Variants in RCC2 observed in about 807,000 individuals in gnomAD.
RCC2 encodes regulator of chromosome condensation 2, also known as protein RCC2.
RCC2 carries 19 observed loss-of-function variants against 64.1 expected under a neutral mutation model. The observed-to-expected ratio is 0.30, with a 90% CI of 0.21 to 0.44. The LOEUF (loss-of-function observed/expected upper bound fraction) is 0.44. Among genes scored for constraint, RCC2 ranks in the 20% least tolerant of loss-of-function variants. The pLI is 1.00. For missense variants in RCC2, 508 were observed against 710.4 expected (o/e 0.72, Z 3.24); for synonymous variants, 325 against 279.6 (o/e 1.16, Z -1.62).
At chr1:17,427,203 C>T (rs950892489) in intron 3 of RCC2, among the ~76,000 whole-genome samples, 41 of 152,322 alleles carry the variant, frequency 2.7e-4, no homozygotes, top group African/African-American at 9.1e-4. Context: ...CTCTATCAAG[C>T]GCCTGGCTGC....
At chr1:17,437,951 C>T (rs1320837102) in intron 2 of RCC2, among the ~76,000 whole-genome samples, 1 of 145,396 alleles carries the variant, frequency 6.9e-6, no homozygotes, top group Admixed American at 6.8e-5. Context: ...GTGCGGGCTT[C>T]GGCCGCCCCT....
chr1:17,420,512 T>C (rs537380568), intron 7 of RCC2, among the ~76,000 whole-genome samples: 1 of 152,308 alleles, frequency 6.6e-6, no homozygotes, highest in African/African-American at 2.4e-5. Flanking sequence ...AACTTTTCCA[T>C]TGAGGCAGTG....
chr1:17,426,142 T>TC lies in RCC2; in HGVS notation c.380-459dup, dbSNP rs1471376081. On this transcript the variant is annotated intron_variant, in intron 3 of 12. Transcript: ENST00000375436. The stretch of plus-strand genomic sequence containing the variant: ...GCTCACCCTGACAGTAACCTACCCC[T>TC]CCTCCTCACTCCCTGCCGCCTGCCC... Among the ~76,000 whole-genome samples, 6 of 152,114 alleles carry TC rather than the reference T, an allele frequency of 3.9e-5. No homozygotes were observed. The South Asian group carries it at 1.0e-3, about 26-fold the overall frequency.
At position 17,412,155 on chromosome 1, in the gene RCC2, G is replaced by T; in HGVS notation, c.1353C>A (p.Ile451=). The T allele has an allele frequency of 6.2e-7, 1 of 1,614,150 alleles. No individual in the cohort carries two copies. The highest frequency in any genetic ancestry group is 8.5e-7 in the Non-Finnish European group (1 of 1,180,016). ...SIIVAADEST[I]SWGPSPTFGE... ...CAAAGGTCGGTGACGGACCCCAGCT[G>T]ATGGTGCTCTCATCGGCGGCCACAA... The change falls in exon 11 of 13, where the codon ATC becomes ATA. Residue 451 remains isoleucine (I), a synonymous_variant. Transcript: ENST00000375436.
chr1:17,408,808 G>A lies in RCC2; in HGVS notation c.*282C>T. ...AAAACTTAAAAAAAAAAAAAACCTA[G>A]ATTGCTCAAAGTTTCTGCCTCTTTT... On this transcript the variant is annotated 3_prime_UTR_variant, in exon 13 of 13. Transcript: ENST00000375436. 2.9e-6 allele frequency: 1 copy of A among 345,262 alleles called. No homozygotes were observed. The highest frequency in any genetic ancestry group is 5.2e-6 in the Non-Finnish European group (1 of 191,244). The allele number at this position is 345,262 out of a possible 1,614,324, so 21.4% of individuals were successfully genotyped here.
In RCC2 at chr1:17,438,473, C is replaced by G; in HGVS notation, c.42G>C (p.Pro14=). 2 of 1,338,310 alleles carry G rather than the reference C, an allele frequency of 1.5e-6. No homozygotes were observed. The highest frequency in any genetic ancestry group is 2.9e-5 in the East Asian group (1 of 34,612). The allele number at this position is 1,338,310 out of a possible 1,614,324, so 82.9% of individuals were successfully genotyped here. Residue 14 remains proline, a synonymous_variant, in exon 2 of 13, where the codon CCG becomes CCC. Transcript: ENST00000375436. ...KKAAAAAWEE[P]SSGNGTARAG... is the part of the protein sequence containing the mutation. ...CGCGGGCAGTGCCGTTGCCCGAGCT[C>G]GGCTCCTCCCAGGCCGCCGCCGCCG...
At chr1:17,428,615 A>AT (rs1399719427) in intron 3 of RCC2, among the ~76,000 whole-genome samples, 3 of 152,152 alleles carry the variant, frequency 2.0e-5, no homozygotes, top group African/African-American at 7.2e-5. Flanking sequence ...GGGACAAAAC[A>AT]TTACTTCTTA....
intron 1 of RCC2, among the ~76,000 whole-genome samples, 183 bp downstream of exon 1, chr1:17,439,362 A>G (rs924343275): frequency 2.1e-5 from 3 of 145,498 alleles, no homozygotes; most frequent in Non-Finnish European, 4.5e-5. Flanking sequence ...ATTTTGAACA[A>G]TGGGATCTCT....
At chr1:17,412,039 G>A (rs1184082380) in intron 11 of RCC2, 83 bp downstream of exon 11, 3 of 1,204,864 alleles carry the variant, frequency 2.5e-6, no homozygotes, top group African/African-American at 3.0e-5. Flanking sequence ...GTGTGTTTTG[G>A]GAGACAGGTG....
intron 6 of RCC2, among the ~76,000 whole-genome samples, chr1:17,421,674 G>C (rs1052064390): frequency 6.6e-6 from 1 of 152,134 alleles, no homozygotes; most frequent in Non-Finnish European, 1.5e-5. Flanking sequence ...TTCTCCATTT[G>C]GAAACAAAAT....
Position 17,408,664 on chromosome 1 carries a change from G to A in RCC2, c.*426C>T, listed in dbSNP as rs1282486412. The A allele has an allele frequency of 1.2e-5, 2 of 166,334 alleles. No individual in the cohort carries two copies. The highest frequency in any genetic ancestry group is 2.6e-5 in the Non-Finnish European group (2 of 77,242). The allele number at this position is 166,334 out of a possible 1,614,324, so 10.3% of individuals were successfully genotyped here. A position where few individuals can be genotyped will look rare whatever the true frequency, so the allele number is the denominator to read the frequency against. ...CCTAGCTGCTGCCGGTTCCTGTAAGGGACATTTTTTCTGAGTAAATGGCGA... is the reference window on the plus strand; with the variant it reads ...CCTAGCTGCTGCCGGTTCCTGTAAGAGACATTTTTTCTGAGTAAATGGCGA... On this transcript the variant is annotated 3_prime_UTR_variant, in exon 13 of 13. Transcript: ENST00000375436.
rs1323558704 is a variant in RCC2, at chr1:17,413,544, A to G, written c.1200T>C (p.Ser400=). 6.2e-7 allele frequency: 1 copy of G among 1,613,994 alleles called. No homozygotes were observed. The highest frequency in any genetic ancestry group is 8.5e-7 in the Non-Finnish European group (1 of 1,179,864). ...GGGGCAGAAATCACTAACCCACTTC[A>G]CTGACAGCAAAGGAGCAGGTGTAAC... is the stretch of plus-strand genomic sequence containing the variant. ...YAGYTCSFAV[S]EVGGLFFWGA... is the part of the protein sequence containing the mutation. Residue 400 remains serine (S), a synonymous_variant, in exon 9 of 13, where the codon AGT becomes AGC. Coordinates refer to ENST00000375436, the MANE Select transcript of RCC2 (RefSeq NM_018715.4).
intron 11 of RCC2, 23 bp from the exon 12 acceptor site, chr1:17,410,074 C>A: frequency 6.2e-7 from 1 of 1,608,910 alleles, no homozygotes; most frequent in South Asian, 1.1e-5. Flanking sequence ...ACAAGATGTT[C>A]GCAATCGAGG....
At chr1:17,426,605 C>T (rs2075619014) in intron 3 of RCC2, among the ~76,000 whole-genome samples, 3 of 152,112 alleles carry the variant, frequency 2.0e-5, no homozygotes, top group Non-Finnish European at 2.9e-5. Context: ...GAGAAGCCAC[C>T]CAGGGCTAAA....
At chr1:17,428,052 A>G (rs543328957) in intron 3 of RCC2, among the ~76,000 whole-genome samples, 1 of 152,292 alleles carries the variant, frequency 6.6e-6, no homozygotes, top group South Asian at 2.1e-4. Context: ...GAGGCAACAG[A>G]GTTAACTAGA....
At chr1:17,438,099 C>T in intron 2 of RCC2, 131 bp downstream of exon 2, 1 of 596,428 alleles carries the variant, frequency 1.7e-6, no homozygotes, top group Admixed American at 5.7e-5. Flanking sequence ...CAGCCCGCGG[C>T]CTGCGCCGGC....
rs2075407079 is a variant in RCC2 at position 17,409,957 on chromosome 1, C to T, written c.1464+17G>A. 1 of 1,611,506 alleles carries T rather than the reference C, an allele frequency of 6.2e-7. No homozygotes were observed. Among genetic ancestry groups the T allele is most frequent in the Non-Finnish European group, 8.5e-7 (1 of 1,177,582 alleles). ...GTACGGACACGTCCCCGAGCTGGCACAGCTGCCCCCACTCACCTGCTCTGA... is the reference window on the plus strand; with the variant it reads ...GTACGGACACGTCCCCGAGCTGGCATAGCTGCCCCCACTCACCTGCTCTGA... On this transcript the variant is annotated intron_variant, in intron 12 of 12. Coordinates refer to ENST00000375436, the MANE Select transcript of RCC2 (RefSeq NM_018715.4).
At chr1:17,437,702 C>T (rs570914462) in intron 2 of RCC2, among the ~76,000 whole-genome samples, 4 of 146,870 alleles carry the variant, frequency 2.7e-5, no homozygotes, top group Admixed American at 6.8e-5. Context: ...AGGCCCCGCC[C>T]CCCCCGGGCG....
chr1:17,410,980 C>T (rs1379702651), intron 11 of RCC2, among the ~76,000 whole-genome samples: 1 of 152,106 alleles, frequency 6.6e-6, no homozygotes, highest in East Asian at 1.9e-4. Context: ...CAAATCGGGC[C>T]ACCAGAGCAT....
Sources: allele counts gnomAD v4.1 joint callset (sites outside exome capture counted in the v4.1 genomes callset), GRCh38; gene constraint gnomAD v4.1.1; transcripts MANE v1.5; gene names NCBI Gene and HGNC (gene_info 2026-07-23, HGNC 2026-07-21).